Variants in NEK5 observed in about 807,000 individuals in gnomAD.
NEK5 encodes the protein serine/threonine-protein kinase Nek5.
Under a neutral mutation model 109.2 loss-of-function variants are expected in NEK5, and 88 were observed. The ratio of observed to expected loss-of-function variants is 0.81; its 90% CI spans 0.68 to 0.96. The LOEUF is 0.96. Among genes scored for constraint, NEK5 ranks in the 40% least tolerant of loss-of-function variants. The pLI is 0.00. For synonymous variants in NEK5, 283 were observed against 299.9 expected (o/e 0.94, Z 0.58); for missense variants, 834 against 920.7 (o/e 0.91, Z 1.22).
At chr13:52,084,760 AGAGTGTGTGTGT>A (rs1280675824) in intron 16 of NEK5, among the ~76,000 whole-genome samples, 76 of 36,646 alleles carry the variant, frequency 2.1e-3, no homozygotes, top group East Asian at 6.4e-3. Context: ...AGAGAGAGAG[AGAGTGTGTGTGT>A]GTGTGTGTGT....
intron 17 of NEK5, among the ~76,000 whole-genome samples, chr13:52,080,140 C>G (rs1357448187): frequency 1.3e-5 from 2 of 151,508 alleles, no homozygotes; most frequent in South Asian, 2.1e-4. Flanking sequence ...GCGTCTCCGC[C>G]CGGCAGCCAC....
chr13:52,089,746 G>T, intron 13 of NEK5, among the ~76,000 whole-genome samples: 1 of 152,050 alleles, frequency 6.6e-6, no homozygotes, highest in East Asian at 1.9e-4. Flanking sequence ...CCAGCACTTT[G>T]GGAGGCCGAG....
chr13:52,079,228 C>A (rs1224931076), intron 17 of NEK5, among the ~76,000 whole-genome samples: 1 of 144,382 alleles, frequency 6.9e-6, no homozygotes, highest in Non-Finnish European at 1.5e-5. Context: ...TTTACAAAAG[C>A]CTGGAGGTTA....
chr13:52,110,658 G>C, intron 5 of NEK5, 81 bp from the exon 6 acceptor site: 1 of 749,812 alleles, frequency 1.3e-6, no homozygotes, highest in Non-Finnish European at 2.3e-6. Flanking sequence ...CAAAAAGATA[G>C]AAATTATACA....
At chr13:52,046,534 G>A (rs1195466781) in intron 23 of NEK5, among the ~76,000 whole-genome samples, 1 of 150,940 alleles carries the variant, frequency 6.6e-6, no homozygotes, top group Admixed American at 6.6e-5. Flanking sequence ...GACCAGTCTG[G>A]GCAATATGGT....
intron 1 of NEK5, among the ~76,000 whole-genome samples, chr13:52,128,084 T>C (rs1566840784): frequency 6.6e-6 from 1 of 152,166 alleles, no homozygotes; most frequent in Non-Finnish European, 1.5e-5. Context: ...CCCTACAATC[T>C]TGGAGAGTCT....
At chr13:52,123,000 AT>A (rs1173174195) in intron 3 of NEK5, among the ~76,000 whole-genome samples, 2 of 152,220 alleles carry the variant, frequency 1.3e-5, no homozygotes, top group African/African-American at 4.8e-5. Flanking sequence ...AAACACTTTT[AT>A]TTGAGCCCAG....
chr13:52,064,957 C>T (rs1035393025), intron 21 of NEK5: 1 of 264,962 alleles, frequency 3.8e-6, no homozygotes, highest in Admixed American at 5.0e-5. Flanking sequence ...ACTCCCTAAT[C>T]TCAAGTACCC....
chr13:52,079,437 T>C lies in NEK5; in HGVS notation c.1573-3294A>G, dbSNP rs552192323. ...GCCTCAGCCTGCCGAGTGCCTGCGA[T>C]TGCAGGGGCGCACCGCCACGCCTGA... On this transcript the variant is annotated intron_variant, in intron 17 of 23. Coordinates refer to ENST00000684899, the MANE Select transcript of NEK5 (RefSeq NM_001365552.1). 8.0e-3 allele frequency among the ~76,000 whole-genome samples: 1,225 copies of C among 152,364 alleles called. 16 individuals carry two copies. The highest frequency in any genetic ancestry group is 0.027 in the African/African-American group (1,124 of 41,580).
chr13:52,081,575 G>A (rs1445687665), intron 17 of NEK5, among the ~76,000 whole-genome samples: 6 of 152,144 alleles, frequency 3.9e-5, no homozygotes. Flanking sequence ...TGTAGTAAAA[G>A]TTCTGTAACC....
intron 3 of NEK5, among the ~76,000 whole-genome samples, chr13:52,126,518 C>T (rs2138154540): frequency 6.6e-6 from 1 of 152,348 alleles, no homozygotes; most frequent in East Asian, 1.9e-4. Flanking sequence ...TGGCTCAAGC[C>T]TGTAATCCCA....
At chr13:52,063,450 T>C (rs1039846990) in intron 21 of NEK5, among the ~76,000 whole-genome samples, 1 of 152,204 alleles carries the variant, frequency 6.6e-6, no homozygotes, top group Non-Finnish European at 1.5e-5. Context: ...CCGCCTGCCT[T>C]GGCCTCCCAA....
chr13:52,063,222 G>A (rs894327350), intron 21 of NEK5, among the ~76,000 whole-genome samples: 19 of 152,200 alleles, frequency 1.2e-4, no homozygotes, highest in African/African-American at 3.1e-4. Flanking sequence ...ACAGACACGC[G>A]TCGCCACGCC....
intron 16 of NEK5, among the ~76,000 whole-genome samples, 176 bp downstream of exon 16, chr13:52,086,101 A>G (rs1450190009): frequency 1.3e-5 from 2 of 152,072 alleles, no homozygotes; most frequent in Non-Finnish European, 2.9e-5. Context: ...ATAAACCATA[A>G]TAAACTGAAG....
intron 4 of NEK5, among the ~76,000 whole-genome samples, chr13:52,113,385 G>A (rs1050632550): frequency 1.3e-5 from 2 of 151,834 alleles, no homozygotes; most frequent in Admixed American, 1.3e-4. Flanking sequence ...ATAAACTGAT[G>A]AAATATGAAT....
At chr13:52,099,577 G>A (rs922903968) in intron 12 of NEK5, among the ~76,000 whole-genome samples, 166 bp downstream of exon 12, 3 of 152,230 alleles carry the variant, frequency 2.0e-5, no homozygotes, top group Admixed American at 2.0e-4. Context: ...GGCTGGGGCA[G>A]AAGAATTGCT....
intron 23 of NEK5, among the ~76,000 whole-genome samples, chr13:52,040,512 C>T (rs112086798): frequency 2.0e-5 from 3 of 152,270 alleles, no homozygotes; most frequent in African/African-American, 7.2e-5. Context: ...AAACTTCCTG[C>T]TCTTTACCGA....
chr13:52,085,965 C>G (rs1231114722), intron 16 of NEK5, among the ~76,000 whole-genome samples: 2 of 152,122 alleles, frequency 1.3e-5, no homozygotes, highest in African/African-American at 4.8e-5. Context: ...TAATCCAGCT[C>G]TGGTCTAAAG....
At chr13:52,107,055 T>C (rs1195392310) in intron 8 of NEK5, among the ~76,000 whole-genome samples, 2 of 152,134 alleles carry the variant, frequency 1.3e-5, no homozygotes, top group Non-Finnish European at 2.9e-5. Context: ...TTCAAAGATA[T>C]GAACATATAA....
Sources: allele counts gnomAD v4.1 joint callset (sites outside exome capture counted in the v4.1 genomes callset), GRCh38; gene constraint gnomAD v4.1.1; transcripts MANE v1.5; gene names NCBI Gene and HGNC (gene_info 2026-07-23, HGNC 2026-07-21).